Variants in ICA1L observed in about 807,000 individuals in gnomAD.
The protein encoded by ICA1L is islet cell autoantigen 1-like protein.
ICA1L carries 50 observed loss-of-function variants against 61.3 expected under a neutral mutation model. The ratio of observed to expected loss-of-function variants is 0.82; its 90% CI spans 0.65 to 1.03. The LOEUF is 1.03. Among genes scored for constraint, ICA1L ranks in the 50% least tolerant of loss-of-function variants. The pLI is 0.00. For synonymous variants in ICA1L, 161 were observed against 191.3 expected, an observed-to-expected ratio of 0.84 and a Z score of 1.31; for missense variants, 508 against 556.7, an observed-to-expected ratio of 0.91 and a Z score of 0.88.
intron 1 of ICA1L, among the ~76,000 whole-genome samples, chr2:202,854,986 A>G (rs1383120629): frequency 1.3e-5 from 2 of 152,046 alleles, no homozygotes; most frequent in Non-Finnish European, 2.9e-5. Flanking sequence ...ACAAACAAAA[A>G]AAGAAACTCA....
At chr2:202,853,745 G>A (rs1177603488) in intron 1 of ICA1L, among the ~76,000 whole-genome samples, 3 of 151,844 alleles carry the variant, frequency 2.0e-5, no homozygotes, top group Admixed American at 6.6e-5. Flanking sequence ...CAACAGACAC[G>A]TGAAAGAAAA....
chr2:202,829,544 C>T (rs1693954888), intron 1 of ICA1L, among the ~76,000 whole-genome samples: 1 of 151,996 alleles, frequency 6.6e-6, no homozygotes, highest in South Asian at 2.1e-4. Flanking sequence ...TGGGCTCAAG[C>T]AATCTCCTGC....
chr2:202,791,802 G>A (rs1027671267), intron 10 of ICA1L, among the ~76,000 whole-genome samples: 9 of 152,116 alleles, frequency 5.9e-5, no homozygotes, highest in African/African-American at 1.7e-4. Flanking sequence ...CTGAGATTGT[G>A]CCATTGCACT....
intron 1 of ICA1L, chr2:202,840,604 C>T: frequency 1.7e-6 from 1 of 572,598 alleles, no homozygotes; most frequent in Admixed American, 1.9e-5. Context: ...CCTCCAGCAG[C>T]TTCCTGTAGA....
At chr2:202,822,645 C>A (rs1693730948) in intron 3 of ICA1L, among the ~76,000 whole-genome samples, 1 of 152,122 alleles carries the variant, frequency 6.6e-6, no homozygotes, top group African/African-American at 2.4e-5. Context: ...CAATTATAAG[C>A]TTAAAGTAAA....
At position 202,825,758 on chromosome 2, in the gene ICA1L, A is replaced by C. The variant is rs775860676; in HGVS notation, c.172T>G (p.Ser58Ala). 4 of 1,563,940 alleles carry C rather than the reference A, an allele frequency of 2.6e-6. No homozygotes were observed. In the East Asian group the frequency reaches 9.2e-5, roughly 36 times the overall value. Reference sequence around the variant, plus strand: ...AGTTCAGTGCATGTCTCTTGAACAGAGTGAAAAACCTTGAGATATAAATTT... The same window carrying C: ...AGTTCAGTGCATGTCTCTTGAACAGCGTGAAAAACCTTGAGATATAAATTT... Reference protein sequence around the residue: ...ELDAKLEVFHSVQETCTELLK... With the variant: ...ELDAKLEVFHAVQETCTELLK... Residue 58 changes from serine to alanine, a missense_variant, in exon 3 of 13, where the codon TCT (serine) becomes GCT (alanine). Coordinates refer to ENST00000358299, the MANE Select transcript of ICA1L (RefSeq NM_001288622.3).
At chr2:202,847,695 T>TTTTATATATATATATATATATA (rs1205116973) in intron 1 of ICA1L, among the ~76,000 whole-genome samples, 3 of 102,230 alleles carry the variant, frequency 2.9e-5, no homozygotes, top group African/African-American at 1.3e-4. Context: ...TATATGGGAA[T>TTTTATATATATATATATATATA]TATATATATA....
At chr2:202,841,961 C>G (rs1351962458) in intron 1 of ICA1L, among the ~76,000 whole-genome samples, 2 of 151,920 alleles carry the variant, frequency 1.3e-5, no homozygotes, top group African/African-American at 4.8e-5. Flanking sequence ...AGTGATTCTC[C>G]TGCCTTAGTC....
intron 10 of ICA1L, 93 bp downstream of exon 10, chr2:202,796,796 AC>A: frequency 2.9e-6 from 2 of 691,364 alleles, no homozygotes; most frequent in Non-Finnish European, 4.7e-6. Flanking sequence ...TTATGTAGAG[AC>A]CCAGACAGTT....
intron 1 of ICA1L, among the ~76,000 whole-genome samples, chr2:202,833,444 G>A (rs1010272122): frequency 1.3e-5 from 2 of 152,126 alleles, no homozygotes; most frequent in South Asian, 2.1e-4. Context: ...CATTAGCCAT[G>A]TATGGTGGTG....
intron 1 of ICA1L, among the ~76,000 whole-genome samples, chr2:202,834,821 AT>A (rs984633410): frequency 5.3e-5 from 8 of 151,890 alleles, no homozygotes; most frequent in African/African-American, 1.7e-4. Flanking sequence ...TTAGCTATAT[AT>A]TTTTTTCATT....
At chr2:202,869,006 T>G (rs912635030) in intron 1 of ICA1L, among the ~76,000 whole-genome samples, 1 of 150,622 alleles carries the variant, frequency 6.6e-6, no homozygotes, top group African/African-American at 2.4e-5. Flanking sequence ...CAAAAAACAT[T>G]TAAAACAAAT....
chr2:202,842,486 C>A (rs1322717847), intron 1 of ICA1L, among the ~76,000 whole-genome samples: 3 of 152,190 alleles, frequency 2.0e-5, no homozygotes, highest in Non-Finnish European at 4.4e-5. Context: ...ATCCCACTCT[C>A]TACTGGCCTG....
At chr2:202,808,173 G>C (rs571262185) in intron 9 of ICA1L, among the ~76,000 whole-genome samples, 1 of 152,260 alleles carries the variant, frequency 6.6e-6, no homozygotes, top group African/African-American at 2.4e-5. Flanking sequence ...AAGTCACCTG[G>C]GGTAGTCAGT....
chr2:202,797,132 T>TTGTGTGTGTATATATGTGTGTGTGTG (rs542686344), intron 9 of ICA1L, among the ~76,000 whole-genome samples, 168 bp from the exon 10 acceptor site: 8 of 147,726 alleles, frequency 5.4e-5, no homozygotes, highest in African/African-American at 2.0e-4. Flanking sequence ...AAAATCACAT[T>TTGTGTGTGTATATATGTGTGTGTGTG]TGTGTGTGTG....
At chr2:202,842,853 G>A (rs1019293136) in intron 1 of ICA1L, among the ~76,000 whole-genome samples, 3 of 151,928 alleles carry the variant, frequency 2.0e-5, no homozygotes, top group Non-Finnish European at 4.4e-5. Flanking sequence ...TTCTCTGACT[G>A]TATGTTTTGA....
intron 9 of ICA1L, among the ~76,000 whole-genome samples, chr2:202,804,806 T>C (rs1334544778): frequency 6.6e-6 from 1 of 152,212 alleles, no homozygotes; most frequent in Non-Finnish European, 1.5e-5. Flanking sequence ...ATTAGTGTCA[T>C]AAGAACACAT....
intron 10 of ICA1L, among the ~76,000 whole-genome samples, chr2:202,793,376 C>T (rs1692814261): frequency 1.3e-5 from 2 of 151,182 alleles, no homozygotes; most frequent in South Asian, 2.1e-4. Context: ...AATAAGAGGC[C>T]GGGCACAGTG....
rs149686236 is a variant in ICA1L at position 202,815,909 on chromosome 2, A to T, written c.783+2T>A. On this transcript the variant is annotated splice_donor_variant, in intron 7 of 12. Coordinates refer to ENST00000358299, the MANE Select transcript of ICA1L (RefSeq NM_001288622.3). LOFTEE classifies it high-confidence loss of function. ...AACAAGAGAACATGGAACACAATGTACCTTGAGAGCTACAAAATCATACGG... is the reference window on the plus strand; with the variant it reads ...AACAAGAGAACATGGAACACAATGTTCCTTGAGAGCTACAAAATCATACGG... 3 of 1,561,096 alleles carry T rather than the reference A, an allele frequency of 1.9e-6. No homozygotes were observed. The African/African-American group carries it at 4.1e-5, about 22-fold the overall frequency.
Sources: gnomAD v4.1 joint callset for allele counts (sites outside exome capture counted in the v4.1 genomes callset) on GRCh38, gnomAD v4.1.1 for gene constraint, MANE v1.5 for transcripts, NCBI Gene and HGNC (gene_info 2026-07-23, HGNC 2026-07-21) for gene names.